The following DNAH5 variants were observed in gnomAD, a reference collection of about 807,000 sequenced individuals.
The protein encoded by DNAH5 is axonemal beta dynein heavy chain 5.
Under a neutral mutation model 518.2 loss-of-function variants are expected in DNAH5, and 372 were observed. That is an observed-to-expected ratio of 0.72 (90% CI 0.66 to 0.78). The LOEUF (loss-of-function observed/expected upper bound fraction) is 0.78. Ranked by LOEUF, DNAH5 falls within the 30% of genes least tolerant of loss-of-function variation. The pLI, the probability that DNAH5 is intolerant of heterozygous loss-of-function variation, is 0.00. For missense variants in DNAH5, 5,523 were observed against 5,687.0 expected (o/e 0.97, Z 0.93); for synonymous variants, 2,039 against 2,025.9 (o/e 1.01, Z -0.17).
At chr5:13,990,026 A>C (rs1035900649) in intron 1 of DNAH5, among the ~76,000 whole-genome samples, 22 of 152,220 alleles carry the variant, frequency 1.4e-4, no homozygotes, top group Non-Finnish European at 2.4e-4. Context: ...AGAGAGGTTA[A>C]GTGACCTACT....
rs1273109738 is a variant in DNAH5, at chr5:13,714,557, G to C, written c.12973C>G (p.Gln4325Glu). Residue 4325 changes from glutamine (Q) to glutamate (E), a missense_variant, in exon 75 of 79, where the codon CAG (glutamine) becomes GAG (glutamate). Physicochemically the swap from Gln to Glu is conservative, Grantham distance 29. This residue lies in a region of DNAH5 where 387 missense variants were observed against 430.0 expected (regional missense o/e 0.90). Transcript: ENST00000265104. ...AGCACGTCCTTGGCCAGCTTGCTCT[G>C]GTAGGTGATGTCAGCATTGGGGTGC... ...GLHPNADITY[Q>E]SKLAKDVLDT... 1 of 1,614,032 alleles carries C rather than the reference G, an allele frequency of 6.2e-7. No individual in the cohort carries two copies. The highest frequency in any genetic ancestry group is 1.7e-5 in the Admixed American group (1 of 60,000).
chr5:13,901,498 C>T lies in DNAH5; in HGVS notation c.1806G>A (p.Met602Ile). The change falls in exon 14 of 79, where the codon ATG becomes ATA. Residue 602 changes from methionine (M) to isoleucine (I), a missense_variant. Around this residue, in one of 3 missense-constraint regions of DNAH5, gnomAD observed 5,121 missense variants for 5,223.3 expected, o/e 0.98. Coordinates refer to ENST00000265104, the MANE Select transcript of DNAH5 (RefSeq NM_001369.3). ...TCTGCTTTGTATACAGCTTTGAAATCATATCAATGTCAGCCCCATAGTTCT... is the reference window on the plus strand; with the variant it reads ...TCTGCTTTGTATACAGCTTTGAAATTATATCAATGTCAGCCCCATAGTTCT... The part of the protein sequence containing the change: ...ILENYGADID[M>I]ISKLYTKQKY... 1 of 1,613,694 alleles carries T rather than the reference C, an allele frequency of 6.2e-7. No individual in the cohort carries two copies. The highest frequency in any genetic ancestry group is 8.5e-7 in the Non-Finnish European group (1 of 1,179,960).
At chr5:13,771,972 T>C (rs966685110) in intron 55 of DNAH5, among the ~76,000 whole-genome samples, 5 of 152,214 alleles carry the variant, frequency 3.3e-5, no homozygotes, top group Non-Finnish European at 1.5e-5. Context: ...TTTACATTTA[T>C]GTAAATAATA....
intron 29 of DNAH5, among the ~76,000 whole-genome samples, chr5:13,860,034 T>C (rs893482762): frequency 2.0e-5 from 3 of 152,190 alleles, no homozygotes; most frequent in African/African-American, 7.2e-5. Context: ...ACTAATTCAA[T>C]CTTCAAATAT....
At chr5:13,735,085 T>G in intron 68 of DNAH5, 46 bp downstream of exon 68, 32 of 1,582,446 alleles carry the variant, frequency 2.0e-5, no homozygotes, top group Non-Finnish European at 2.8e-5. Flanking sequence ...TCACAATAAC[T>G]CCTCCATCTG....
chr5:13,943,834 G>A (rs1361812811), intron 1 of DNAH5, among the ~76,000 whole-genome samples: 2 of 152,208 alleles, frequency 1.3e-5, no homozygotes, highest in African/African-American at 4.8e-5. Context: ...GGCAGTGGAA[G>A]AGGTTTCCAA....
At position 13,920,545 on chromosome 5, in the gene DNAH5, T is replaced by C; in HGVS notation, c.733A>G (p.Asn245Asp). The change falls in exon 6 of 79, where the codon AAT becomes GAT. Residue 245 changes from asparagine to aspartate, a missense_variant. Asn to Asp is a conservative substitution (Grantham distance 23). This residue lies in a region of DNAH5 where 5,121 missense variants were observed against 5,223.3 expected (regional missense o/e 0.98). Transcript: ENST00000265104. The stretch of plus-strand genomic sequence containing the variant: ...ATTTTTCCCAAAGTCTCAGGGTTAT[T>C]TGCTAGAGTCAAGTAGTCCGTAGGT... The part of the protein sequence containing the change: ...KEPTDYLTLA[N>D]NPETLGKIED... 2 of 1,614,212 alleles carry C rather than the reference T, an allele frequency of 1.2e-6. No individual in the cohort carries two copies. Among genetic ancestry groups the C allele is most frequent in the Non-Finnish European group, 1.7e-6 (2 of 1,180,018 alleles).
intron 1 of DNAH5, among the ~76,000 whole-genome samples, chr5:13,987,967 C>T (rs1026544305): frequency 3.3e-5 from 5 of 152,070 alleles, no homozygotes; most frequent in African/African-American, 9.7e-5. Context: ...AAACCTGTCA[C>T]ATGGAAACCC....
In DNAH5 at chr5:13,758,945, G is replaced by A. The variant is rs1474184245; in HGVS notation, c.10320C>T (p.Ala3440=). ...LVVQENRHLL[A]MQDLQKAQAE... ...CCTGGGCTTTCTGCAGATCCTGCAT[G>A]GCCAGGAGATGGCGATTCTCTTGCA... The change falls in exon 61 of 79, where the codon GCC becomes GCT. Residue 3440 remains alanine (A), a synonymous_variant. Coordinates refer to ENST00000265104, the MANE Select transcript of DNAH5 (RefSeq NM_001369.3). 6.2e-7 allele frequency: 1 copy of A among 1,614,124 alleles called. No individual in the cohort carries two copies. The highest frequency in any genetic ancestry group is 8.5e-7 in the Non-Finnish European group (1 of 1,180,010).
At chr5:13,845,178 A>G (rs928956824) in intron 31 of DNAH5, among the ~76,000 whole-genome samples, 185 bp from the exon 32 acceptor site, 2 of 152,168 alleles carry the variant, frequency 1.3e-5, no homozygotes, top group Admixed American at 1.3e-4. Flanking sequence ...AACATTCCAC[A>G]TTCTGATGGA....
intron 53 of DNAH5, among the ~76,000 whole-genome samples, chr5:13,778,598 G>GAAAGAAAGAA (rs70964506): frequency 0.022 from 3,133 of 139,354 alleles, 66 homozygotes; most frequent in East Asian, 0.057. Context: ...AAGAAAGAAA[G>GAAAGAAAGAA]AGAGAGAGAA....
At chr5:14,010,182 A>AGTT in intron 1 of DNAH5, among the ~76,000 whole-genome samples, 1 of 152,148 alleles carries the variant, frequency 6.6e-6, no homozygotes, top group East Asian at 1.9e-4. Context: ...TTCTAGTAAC[A>AGTT]CTTGGAGGGA....
intron 65 of DNAH5, among the ~76,000 whole-genome samples, chr5:13,750,402 G>A (rs934224208): frequency 6.6e-6 from 1 of 152,180 alleles, no homozygotes; most frequent in Admixed American, 6.6e-5. Context: ...TCGAAAGAAG[G>A]AAGTTTACAA....
intron 50 of DNAH5, 74 bp downstream of exon 50, chr5:13,791,920 T>C: frequency 7.7e-7 from 1 of 1,306,580 alleles, no homozygotes; most frequent in Non-Finnish European, 1.1e-6. Context: ...AAGTAAAAAA[T>C]AAATCAATAA....
chr5:13,881,363 A>C (rs1561495454), intron 21 of DNAH5, among the ~76,000 whole-genome samples: 1 of 152,036 alleles, frequency 6.6e-6, no homozygotes. Flanking sequence ...GTGCACACAG[A>C]ACATTCTCTC....
chr5:13,980,237 T>G (rs1487959822), intron 1 of DNAH5, among the ~76,000 whole-genome samples: 5 of 152,038 alleles, frequency 3.3e-5, no homozygotes, highest in African/African-American at 4.8e-5. Context: ...CTCTCACCCC[T>G]CAGACCTTTA....
rs1561215953 is a variant in DNAH5, at chr5:13,770,982, T to A, written c.9374-2A>T. The stretch of plus-strand genomic sequence containing the variant: ...AGGAAGTGAGGAAGTGTTCAGACAC[T>A]AGAGAGAATAAAGATGACAGTGTGT... On this transcript the variant is annotated splice_acceptor_variant, in intron 55 of 78. Coordinates refer to ENST00000265104, the MANE Select transcript of DNAH5 (RefSeq NM_001369.3). LOFTEE classifies it high-confidence loss of function. 1.3e-6 allele frequency: 2 copies of A among 1,599,896 alleles called. No homozygotes were observed. Among genetic ancestry groups the A allele is most frequent in the Non-Finnish European group, 1.7e-6 (2 of 1,167,300 alleles).
chr5:13,869,648 A>T (rs974538018), intron 24 of DNAH5, among the ~76,000 whole-genome samples: 1 of 152,230 alleles, frequency 6.6e-6, no homozygotes, highest in Admixed American at 6.5e-5. Flanking sequence ...AATTACACAC[A>T]CATACACAGA....
rs771279662 is a variant in DNAH5, at chr5:13,769,042, C to T, written c.9815G>A (p.Ser3272Asn). 42 of 1,614,216 alleles carry T rather than the reference C, an allele frequency of 2.6e-5. No homozygotes were observed. The highest frequency in any genetic ancestry group is 3.3e-5 in the Non-Finnish European group (39 of 1,180,032). Residue 3272 changes from serine (S) to asparagine (N), a missense_variant, in exon 58 of 79, where the codon AGC (serine) becomes AAC (asparagine). Ser to Asn is a conservative substitution (Grantham distance 46, BLOSUM62 1). Transcript: ENST00000265104. ...AGCAATGGCTTTGTCTTTAGAGATG[C>T]TGTCCACAATGGCCTGGGCCCTGTC... Reference protein sequence around the residue: ...VKDRAQAIVDSISKDKAIAEE... With the variant: ...VKDRAQAIVDNISKDKAIAEE...
Sources: allele counts gnomAD v4.1 joint callset (sites outside exome capture counted in the v4.1 genomes callset), GRCh38; gene constraint gnomAD v4.1.1; regional missense constraint gnomAD v4.1.1; transcripts MANE v1.5; gene names NCBI Gene and HGNC (gene_info 2026-07-23, HGNC 2026-07-21).